Variants in MBD5 observed in about 807,000 individuals in gnomAD.
MBD5 encodes methyl-CpG-binding domain protein 5.
In MBD5, 13 loss-of-function variants were observed where a neutral mutation model predicts 117.3. The observed-to-expected ratio is 0.11, with a 90% CI of 0.07 to 0.18. The LOEUF is 0.18. MBD5 is among the 10% of genes least tolerant of loss of function. The pLI, the probability that MBD5 is intolerant of heterozygous loss-of-function variation, is 1.00. For synonymous variants in MBD5, 727 were observed against 766.4 expected, an observed-to-expected ratio of 0.95 and a Z score of 0.85; for missense variants, 1,879 against 2,093.8, an observed-to-expected ratio of 0.90 and a Z score of 2.00.
In MBD5 at chr2:148,473,183, A is replaced by G. The variant is rs139783656; in HGVS notation, c.2518+2722A>G. ...ATGAAAGTCAGTTATTTTTGCCAAT[A>G]TTATAGCAAATAATGACTAGAATTT... On this transcript the variant is annotated intron_variant, in intron 8 of 13. Transcript: ENST00000642680. Among the ~76,000 whole-genome samples, 277 of 152,304 alleles carry G rather than the reference A, an allele frequency of 1.8e-3. 2 individuals are homozygous for G. The highest frequency in any genetic ancestry group is 0.014 in the Middle Eastern group (4 of 294).
intron 4 of MBD5, among the ~76,000 whole-genome samples, chr2:148,382,492 A>C (rs570967872): frequency 6.6e-6 from 1 of 152,202 alleles, no homozygotes; most frequent in Non-Finnish European, 1.5e-5. Context: ...TTAGACTCCC[A>C]CACAATAATA....
intron 4 of MBD5, among the ~76,000 whole-genome samples, chr2:148,423,116 A>G (rs1242114466): frequency 1.3e-5 from 2 of 152,152 alleles, no homozygotes; most frequent in East Asian, 3.9e-4. Flanking sequence ...AGCAACCCCA[A>G]GACACATAAT....
At chr2:148,215,149 G>A (rs1699520830) in intron 2 of MBD5, among the ~76,000 whole-genome samples, 1 of 152,086 alleles carries the variant, frequency 6.6e-6, no homozygotes, top group South Asian at 2.1e-4. Flanking sequence ...TGTGGTACTT[G>A]TACCAGGTTC....
At chr2:148,037,007 G>A (rs978997273) in intron 1 of MBD5, among the ~76,000 whole-genome samples, 25 of 121,776 alleles carry the variant, frequency 2.1e-4, no homozygotes, top group South Asian at 1.3e-3. Context: ...AAATGGTTGC[G>A]TAGATAACAA....
intron 3 of MBD5, among the ~76,000 whole-genome samples, chr2:148,269,731 A>C (rs1302331736): frequency 7.3e-6 from 1 of 137,298 alleles, no homozygotes; most frequent in Admixed American, 7.4e-5. Context: ...CTGAAGTCTT[A>C]TACCAGTTTT....
chr2:148,387,497 T>C (rs1218244166), intron 4 of MBD5, among the ~76,000 whole-genome samples: 4 of 152,238 alleles, frequency 2.6e-5, no homozygotes, highest in South Asian at 4.1e-4. Flanking sequence ...AGCAATACGA[T>C]TGAACATTTT....
At chr2:148,361,957 C>T (rs561331616) in intron 4 of MBD5, among the ~76,000 whole-genome samples, 1 of 152,320 alleles carries the variant, frequency 6.6e-6, no homozygotes, top group African/African-American at 2.4e-5. Flanking sequence ...CACTCGGGCC[C>T]AGATACTACG....
chr2:148,293,855 A>G (rs547564072), intron 3 of MBD5, among the ~76,000 whole-genome samples: 11 of 152,338 alleles, frequency 7.2e-5, no homozygotes, highest in Admixed American at 6.5e-4. Flanking sequence ...TCACATGCTT[A>G]TTCTGTGCTC....
Position 148,468,342 on chromosome 2 carries a change from TGCAACTCCAGTAGTACCTTCTCGGGCA to T in MBD5, c.409_435del (p.Val137_Pro145del). ...TTCTTTTTTTCTCTTTCACATCAGA[TGCAACTCCAGTAGTACCTTCTCGGGCA>T]GCAACTCCAAGATCAGTAAGAAATA... On this transcript the variant is annotated inframe_deletion and splice_region_variant, in exon 8 of 14. Transcript: ENST00000642680. 1.9e-6 allele frequency: 3 copies of T among 1,613,188 alleles called. No homozygotes were observed. The highest frequency in any genetic ancestry group is 1.7e-6 in the Non-Finnish European group (2 of 1,179,430).
intron 4 of MBD5, among the ~76,000 whole-genome samples, chr2:148,420,248 C>T (rs915575593): frequency 2.0e-5 from 3 of 152,110 alleles, no homozygotes; most frequent in African/African-American, 7.2e-5. Context: ...TACTTTCCTT[C>T]CTCCCTTATA....
At chr2:148,408,001 T>C (rs914264940) in intron 4 of MBD5, among the ~76,000 whole-genome samples, 6 of 152,166 alleles carry the variant, frequency 3.9e-5, no homozygotes, top group African/African-American at 1.2e-4. Flanking sequence ...TTTCAGAGAC[T>C]GACTGTGTAG....
chr2:148,371,744 A>T (rs1337785667), intron 4 of MBD5, among the ~76,000 whole-genome samples: 1 of 152,130 alleles, frequency 6.6e-6, no homozygotes, highest in Non-Finnish European at 1.5e-5. Flanking sequence ...CTGAATTCCT[A>T]ACTTGTAGGA....
At chr2:148,036,408 T>C (rs1694196630) in intron 1 of MBD5, among the ~76,000 whole-genome samples, 1 of 152,186 alleles carries the variant, frequency 6.6e-6, no homozygotes, top group Non-Finnish European at 1.5e-5. Flanking sequence ...TGTAAAGATA[T>C]GTTCTTCTGT....
chr2:148,419,741 C>CT (rs1293830478), intron 4 of MBD5, among the ~76,000 whole-genome samples: 1 of 152,086 alleles, frequency 6.6e-6, no homozygotes, highest in African/African-American at 2.4e-5. Context: ...ACCTACCTTT[C>CT]TCATTGGTTC....
At chr2:148,108,988 G>C (rs1363219123) in intron 1 of MBD5, among the ~76,000 whole-genome samples, 1 of 152,196 alleles carries the variant, frequency 6.6e-6, no homozygotes, top group Non-Finnish European at 1.5e-5. Context: ...GGAAGGGATG[G>C]AGGGAGGGAA....
At chr2:148,330,088 T>TACACACACACACACACACACAC (rs377202803) in intron 3 of MBD5, among the ~76,000 whole-genome samples, 593 of 40,360 alleles carry the variant, frequency 0.015, 15 homozygotes, top group East Asian at 0.052. Context: ...CCTCCTGCCA[T>TACACACACACACACACACACAC]ACACACACAC....
At chr2:148,129,881 A>T (rs888421719) in intron 1 of MBD5, among the ~76,000 whole-genome samples, 25 of 152,040 alleles carry the variant, frequency 1.6e-4, no homozygotes, top group Admixed American at 1.4e-3. Context: ...ACTAATTTCC[A>T]TCTACACACT....
intron 1 of MBD5, among the ~76,000 whole-genome samples, chr2:148,093,118 T>A (rs1461721338): frequency 1.3e-5 from 2 of 151,802 alleles, no homozygotes; most frequent in Non-Finnish European, 2.9e-5. Flanking sequence ...ACCATGTTGG[T>A]CAGGCTGGTC....
At chr2:148,374,912 G>A (rs1196108783) in intron 4 of MBD5, among the ~76,000 whole-genome samples, 1 of 151,842 alleles carries the variant, frequency 6.6e-6, no homozygotes, top group African/African-American at 2.4e-5. Context: ...CTTAATATTA[G>A]AAAACAATAC....
Sources: allele counts gnomAD v4.1 joint callset (sites outside exome capture counted in the v4.1 genomes callset), GRCh38; gene constraint gnomAD v4.1.1; transcripts MANE v1.5; gene names NCBI Gene and HGNC (gene_info 2026-07-23, HGNC 2026-07-21).